Variants in PHF2 observed in about 807,000 individuals in gnomAD.
PHF2 encodes the protein lysine-specific demethylase PHF2.
PHF2 carries 27 observed loss-of-function variants against 120.5 expected under a neutral mutation model. That is an observed-to-expected ratio of 0.22 (90% confidence interval 0.17 to 0.31). PHF2 has a LOEUF of 0.31. Among genes scored for constraint, PHF2 ranks in the 10% least tolerant of loss-of-function variants. The pLI, the probability that PHF2 is intolerant of heterozygous loss-of-function variation, is 1.00. For missense variants in PHF2, 1,024 were observed against 1,434.8 expected (o/e 0.71, Z 4.63); for synonymous variants, 568 against 592.5 (o/e 0.96, Z 0.60).
intron 1 of PHF2, among the ~76,000 whole-genome samples, chr9:93,610,565 C>A (rs1200180797): frequency 6.6e-6 from 1 of 152,126 alleles, no homozygotes; most frequent in African/African-American, 2.4e-5. Flanking sequence ...ACATCAGTGC[C>A]ATCTCTGGGT....
intron 12 of PHF2, among the ~76,000 whole-genome samples, chr9:93,661,587 A>G (rs1826567198): frequency 6.6e-6 from 1 of 151,920 alleles, no homozygotes; most frequent in Non-Finnish European, 1.5e-5. Context: ...GGATGGATGA[A>G]TAAATGGATG....
chr9:93,606,255 G>A (rs1587676418), intron 1 of PHF2, among the ~76,000 whole-genome samples: 1 of 152,080 alleles, frequency 6.6e-6, no homozygotes. Context: ...CAGGCTGGGC[G>A]CCACCATGCC....
chr9:93,665,147 A>G (rs1383076428), intron 14 of PHF2, among the ~76,000 whole-genome samples: 1 of 152,226 alleles, frequency 6.6e-6, no homozygotes, highest in Non-Finnish European at 1.5e-5. Context: ...TGTTACATCT[A>G]TCCTGTAGCC....
chr9:93,619,518 G>A (rs951391930), intron 1 of PHF2, among the ~76,000 whole-genome samples: 3 of 152,328 alleles, frequency 2.0e-5, no homozygotes, highest in East Asian at 1.9e-4. Flanking sequence ...TCACCAGGCT[G>A]GTGCTCAGAT....
intron 7 of PHF2, among the ~76,000 whole-genome samples, 191 bp from the exon 8 acceptor site, chr9:93,655,743 C>T (rs369270553): frequency 6.6e-6 from 1 of 152,226 alleles, no homozygotes; most frequent in Admixed American, 6.5e-5. Context: ...GAGCTTCTCC[C>T]AGGGAGGCCC....
intron 1 of PHF2, among the ~76,000 whole-genome samples, chr9:93,604,605 C>G (rs1587675245): frequency 6.6e-6 from 1 of 151,900 alleles, no homozygotes; most frequent in Non-Finnish European, 1.5e-5. Context: ...ATTGGGACTA[C>G]AGGCGCCCGC....
intron 2 of PHF2, among the ~76,000 whole-genome samples, chr9:93,630,779 G>T (rs1223936257): frequency 1.3e-5 from 2 of 152,182 alleles, no homozygotes; most frequent in African/African-American, 4.8e-5. Context: ...CTCGGGAGGG[G>T]TGTGGCCTGT....
At chr9:93,638,210 A>G (rs946192437) in intron 3 of PHF2, among the ~76,000 whole-genome samples, 4 of 152,068 alleles carry the variant, frequency 2.6e-5, no homozygotes, top group African/African-American at 7.2e-5. Context: ...TATGATTTCA[A>G]AATACTCTCT....
intron 1 of PHF2, among the ~76,000 whole-genome samples, chr9:93,614,358 C>T (rs992581708): frequency 6.6e-6 from 1 of 152,240 alleles, no homozygotes; most frequent in Non-Finnish European, 1.5e-5. Context: ...CTTCATTTCC[C>T]TCTTGGCTTC....
intron 7 of PHF2, among the ~76,000 whole-genome samples, chr9:93,654,865 G>A (rs927869568): frequency 2.0e-5 from 3 of 152,172 alleles, no homozygotes; most frequent in Non-Finnish European, 2.9e-5. Flanking sequence ...TTGGAGCTGC[G>A]CAGCCAGTCA....
chr9:93,632,095 C>T (rs1337139263), intron 2 of PHF2, among the ~76,000 whole-genome samples: 1 of 152,178 alleles, frequency 6.6e-6, no homozygotes, highest in African/African-American at 2.4e-5. Flanking sequence ...AAACAGCCCA[C>T]CTGCCATGGG....
chr9:93,661,302 G>A (rs866986008), intron 12 of PHF2, among the ~76,000 whole-genome samples: 3 of 152,284 alleles, frequency 2.0e-5, no homozygotes, highest in East Asian at 1.9e-4. Context: ...CTTCAGGGCC[G>A]GCATCACAGG....
rs1238668680 is a variant in PHF2 at position 93,662,916 on chromosome 9, A to T, written c.1708A>T (p.Ser570Cys). 1.9e-6 allele frequency: 3 copies of T among 1,613,986 alleles called. 1 individual carries two copies. In the South Asian group the frequency reaches 3.3e-5, roughly 18 times the overall value. Residue 570 changes from serine (S) to cysteine (C), a missense_variant, in exon 13 of 22, where the codon AGT becomes TGT. Ser to Cys is a moderately radical substitution (Grantham distance 112). Coordinates refer to ENST00000359246, the MANE Select transcript of PHF2 (RefSeq NM_005392.4). ...EPPKKGKATK[S>C]VLSVPNKDVV... ...CAGCCCTTTTTTCTAGGCCACAAAG[A>T]GTGTCCTGAGTGTGCCCAACAAAGA...
chr9:93,676,996 C>T (rs1457321208), intron 21 of PHF2, 33 bp downstream of exon 21: 3 of 1,485,410 alleles, frequency 2.0e-6, no homozygotes, highest in Admixed American at 2.3e-5. Flanking sequence ...CCTGCAGCCC[C>T]CCTGCCCTGC....
chr9:93,588,864 C>G (rs1159923976), intron 1 of PHF2, among the ~76,000 whole-genome samples: 5 of 152,190 alleles, frequency 3.3e-5, no homozygotes, highest in African/African-American at 1.2e-4. Context: ...GCACTCCAGC[C>G]TGGGCAACAG....
chr9:93,663,146 G>T, intron 13 of PHF2, 120 bp downstream of exon 13: 2 of 1,381,402 alleles, frequency 1.4e-6, no homozygotes, highest in Non-Finnish European at 2.0e-6. Flanking sequence ...TGCTTGTCCT[G>T]AGTAGGTAGT....
Position 93,677,797 on chromosome 9 carries a change from C to A in PHF2, c.*121C>A. The A allele has an allele frequency of 1.4e-6, 1 of 691,538 alleles. No individual in the cohort carries two copies. Among genetic ancestry groups the A allele is most frequent in the Non-Finnish European group, 2.5e-6 (1 of 394,856 alleles). The allele number at this position is 691,538 out of a possible 1,614,324, so 42.8% of individuals were successfully genotyped here. On this transcript the variant is annotated 3_prime_UTR_variant, in exon 22 of 22. Transcript: ENST00000359246. This position sits in a 1 kb window ranked among gnomAD's most constrained non-coding sequence, Gnocchi z 4.4. ...GGAGGGCCTTGCCTCTTCCCGGCTGCCATCTCCCCAACAAGCGTCTGTCCC... is the reference window on the plus strand; with the variant it reads ...GGAGGGCCTTGCCTCTTCCCGGCTGACATCTCCCCAACAAGCGTCTGTCCC...
In PHF2 at chr9:93,656,031, G is replaced by A; in HGVS notation, c.1040+10G>A. ...TGGAGATGCAGATGAGGTAGTGCCT[G>A]CCGCGCTGTCTGCCCTCGGGCTCCG... On this transcript the variant is annotated intron_variant, in intron 8 of 21. Transcript: ENST00000359246. The surrounding 1 kb of genome is among the most constrained non-coding windows in gnomAD (Gnocchi z 4.1). The A allele has an allele frequency of 6.2e-7, 1 of 1,608,916 alleles. No homozygotes were observed. Among genetic ancestry groups the A allele is most frequent in the Non-Finnish European group, 8.5e-7 (1 of 1,177,614 alleles).
rs761606769 is a variant in PHF2, at chr9:93,665,764, C to G, written c.2016C>G (p.Pro672=). 2 of 1,613,912 alleles carry G rather than the reference C, an allele frequency of 1.2e-6. No homozygotes were observed. Among genetic ancestry groups the G allele is most frequent in the South Asian group, 2.2e-5 (2 of 91,070 alleles). ...LQNFKEDKPK[P]VRDEYEYVSD... ...ACTTCAAGGAGGACAAGCCCAAGCC[C>G]GTGCGGGATGAGTATGAGTACGTGT... The change falls in exon 15 of 22, where the codon CCC becomes CCG. Residue 672 remains proline, a synonymous_variant. Transcript: ENST00000359246.
Sources: gnomAD v4.1 joint callset for allele counts (sites outside exome capture counted in the v4.1 genomes callset) on GRCh38, gnomAD v4.1.1 for gene constraint, Gnocchi (gnomAD v3.1) non-coding constraint, MANE v1.5 for transcripts, NCBI Gene and HGNC (gene_info 2026-07-23, HGNC 2026-07-21) for gene names.